The following TFEC variants were observed in gnomAD, a reference collection of about 807,000 sequenced individuals.
TFEC encodes the protein class E basic helix-loop-helix protein 34.
Under a neutral mutation model 41.6 loss-of-function variants are expected in TFEC, and 31 were observed. The ratio of observed to expected loss-of-function variants is 0.74; its 90% CI spans 0.56 to 1.01. TFEC has a LOEUF of 1.01. Ranked by LOEUF, TFEC falls within the 50% of genes least tolerant of loss-of-function variation. The pLI, the probability that TFEC is intolerant of heterozygous loss-of-function variation, is 0.00. For synonymous variants in TFEC, 143 were observed against 140.6 expected (o/e 1.02, Z -0.12); for missense variants, 402 against 404.1 (o/e 0.99, Z 0.04).
chr7:115,985,448 A>G (rs1793810000), intron 1 of TFEC, among the ~76,000 whole-genome samples: 1 of 152,122 alleles, frequency 6.6e-6, no homozygotes, highest in African/African-American at 2.4e-5. Flanking sequence ...AGTGGCCTAT[A>G]TATAAACCGA....
chr7:116,146,901 C>A (rs1405688042), intron 1 of TFEC, among the ~76,000 whole-genome samples: 2 of 152,022 alleles, frequency 1.3e-5, no homozygotes, highest in Non-Finnish European at 2.9e-5. Flanking sequence ...TGGGAGCTGA[C>A]CAGACATATT....
At chr7:116,123,297 T>A (rs907787337) in intron 1 of TFEC, among the ~76,000 whole-genome samples, 7 of 152,134 alleles carry the variant, frequency 4.6e-5, no homozygotes, top group African/African-American at 1.4e-4. Flanking sequence ...TCTCCTTTTG[T>A]CCCTTGGATC....
intron 3 of TFEC, among the ~76,000 whole-genome samples, chr7:115,968,979 T>C (rs1341482725): frequency 2.0e-5 from 3 of 151,922 alleles, no homozygotes; most frequent in Non-Finnish European, 4.4e-5. Context: ...TCTTGTCACC[T>C]AGTAAGTAAC....
At chr7:116,110,228 T>C (rs1419828316) in intron 3 of TFEC, among the ~76,000 whole-genome samples, 1 of 152,070 alleles carries the variant, frequency 6.6e-6, no homozygotes, top group Non-Finnish European at 1.5e-5. Context: ...AGTATAATAA[T>C]AAACAAAAAC....
chr7:116,026,369 T>G (rs1054783847), intron 1 of TFEC, among the ~76,000 whole-genome samples: 1 of 152,228 alleles, frequency 6.6e-6, no homozygotes, highest in African/African-American at 2.4e-5. Flanking sequence ...ATAATTCATA[T>G]ATACTTTCAT....
chr7:115,940,888 G>T lies in TFEC; in HGVS notation c.707C>A (p.Ala236Asp), dbSNP rs939123625. The change falls in exon 8 of 8, where the codon GCT becomes GAT. Residue 236 changes from alanine (A) to aspartate (D), a missense_variant. Transcript: ENST00000265440. ...QARTHGLPTL[A>D]SLGTVDLGAH... ...ACCTAAATCAACCGTGCCAAGTGAAGCCAGGGTTGGCAGACCATGAGTACG... is the reference window on the plus strand; with the variant it reads ...ACCTAAATCAACCGTGCCAAGTGAATCCAGGGTTGGCAGACCATGAGTACG... 6.2e-6 allele frequency: 10 copies of T among 1,610,078 alleles called. No homozygotes were observed. The highest frequency in any genetic ancestry group is 5.0e-5 in the Admixed American group (3 of 59,640).
Position 115,956,714 on chromosome 7 carries a change from C to A in TFEC, c.347G>T (p.Cys116Phe). The A allele has an allele frequency of 2.5e-6, 4 of 1,610,086 alleles. No homozygotes were observed. The highest frequency in any genetic ancestry group is 1.7e-4 in the Middle Eastern group (1 of 6,028). ...PINMGLTSASCPSSLPMKREI... is the reference protein window; with the variant it reads ...PINMGLTSASFPSSLPMKREI... ...TCTTTTCATTGGTAGACTACTTGGA[C>A]AAGAAGCACTTGTAAGCCCCATGTT... Residue 116 changes from cysteine (C) to phenylalanine (F), a missense_variant, in exon 4 of 8, where the codon TGT becomes TTT. Coordinates refer to ENST00000265440, the MANE Select transcript of TFEC (RefSeq NM_012252.4).
At chr7:115,973,097 G>GA (rs57267839) in intron 3 of TFEC, among the ~76,000 whole-genome samples, 2 of 151,486 alleles carry the variant, frequency 1.3e-5, no homozygotes, top group Non-Finnish European at 3.0e-5. Context: ...AATGAAAACT[G>GA]AAAAAAAATC....
At chr7:115,951,868 A>T (rs1232869159) in intron 5 of TFEC, among the ~76,000 whole-genome samples, 1 of 152,070 alleles carries the variant, frequency 6.6e-6, no homozygotes, top group Non-Finnish European at 1.5e-5. Flanking sequence ...AATTTCCTGT[A>T]TTACTCTTCT....
At chr7:116,010,817 G>A (rs565232758) in intron 1 of TFEC, among the ~76,000 whole-genome samples, 15 of 152,124 alleles carry the variant, frequency 9.9e-5, no homozygotes, top group African/African-American at 2.9e-4. Context: ...AAGTCTGTGC[G>A]TGTTACACTG....
At chr7:116,043,430 T>C (rs1796087682) in intron 3 of TFEC, among the ~76,000 whole-genome samples, 2 of 152,160 alleles carry the variant, frequency 1.3e-5, no homozygotes, top group South Asian at 4.1e-4. Flanking sequence ...AATAAGCTTA[T>C]GGATGGAAAA....
upstream of TFEC, among the ~76,000 whole-genome samples, chr7:116,031,204 G>A (rs1435799812): frequency 6.6e-6 from 1 of 151,590 alleles, no homozygotes; most frequent in African/African-American, 2.4e-5. Context: ...AGTTTTTAAG[G>A]CCATTGCATT....
chr7:116,124,082 A>G (rs887465011), intron 1 of TFEC, among the ~76,000 whole-genome samples: 5 of 152,126 alleles, frequency 3.3e-5, no homozygotes, highest in African/African-American at 1.2e-4. Context: ...CCATGAGTGG[A>G]AAAAGATTAA....
intron 3 of TFEC, among the ~76,000 whole-genome samples, chr7:116,077,850 A>T (rs1470735253): frequency 1.3e-5 from 2 of 152,062 alleles, no homozygotes; most frequent in Non-Finnish European, 2.9e-5. Context: ...TACTCCACTG[A>T]CAGCACTAGA....
intron 3 of TFEC, among the ~76,000 whole-genome samples, chr7:116,096,716 T>C (rs550212633): frequency 1.7e-4 from 26 of 152,348 alleles, no homozygotes; most frequent in Admixed American, 5.2e-4. Context: ...TGTAAAGTCA[T>C]GTTTGATGAT....
intron 3 of TFEC, among the ~76,000 whole-genome samples, chr7:116,059,966 T>C (rs1450685664): frequency 6.6e-6 from 1 of 152,160 alleles, no homozygotes; most frequent in Non-Finnish European, 1.5e-5. Flanking sequence ...ATGAGTTCAA[T>C]AAGGCAGAAA....
At chr7:116,010,111 C>T (rs374269633) in intron 1 of TFEC, among the ~76,000 whole-genome samples, 2 of 152,048 alleles carry the variant, frequency 1.3e-5, no homozygotes, top group East Asian at 3.9e-4. Flanking sequence ...GAGAAAAACA[C>T]ACTGAAAGGA....
intron 1 of TFEC, among the ~76,000 whole-genome samples, chr7:116,149,639 TA>T (rs1328395850): frequency 6.6e-6 from 1 of 152,182 alleles, no homozygotes; most frequent in Non-Finnish European, 1.5e-5. Context: ...TGGAGAAAAT[TA>T]GTATCATTGA....
At chr7:116,064,420 T>C (rs949321342) in intron 3 of TFEC, among the ~76,000 whole-genome samples, 5 of 151,202 alleles carry the variant, frequency 3.3e-5, no homozygotes, top group Admixed American at 6.6e-5. Flanking sequence ...CTTTTAAATA[T>C]GTGCAGTTTA....
Sources: allele counts gnomAD v4.1 joint callset (sites outside exome capture counted in the v4.1 genomes callset), GRCh38; gene constraint gnomAD v4.1.1; transcripts MANE v1.5; gene names NCBI Gene and HGNC (gene_info 2026-07-23, HGNC 2026-07-21).